The following CDK8 variants were observed in gnomAD, a reference collection of about 807,000 sequenced individuals.
The protein encoded by CDK8 is cyclin-dependent kinase 8.
A neutral mutation model predicts 71.5 loss-of-function variants in CDK8; 29 were observed. The observed-to-expected ratio is 0.41, with a 90% CI of 0.30 to 0.55. The LOEUF (loss-of-function observed/expected upper bound fraction) is 0.55, where lower values mean the gene tolerates loss of function less well. Among genes scored for constraint, CDK8 ranks in the 20% least tolerant of loss-of-function variants. The probability of loss-of-function intolerance (pLI) is 0.37; values close to 1 mark genes in which losing one functional copy is unlikely to be tolerated. For missense variants in CDK8, 288 were observed against 572.6 expected, an observed-to-expected ratio of 0.50 and a Z score of 5.07; for synonymous variants, 161 against 192.1, an observed-to-expected ratio of 0.84 and a Z score of 1.34.
At chr13:26,294,233 GC>G (rs1371367376) in intron 1 of CDK8, among the ~76,000 whole-genome samples, 1 of 151,860 alleles carries the variant, frequency 6.6e-6, no homozygotes, top group Non-Finnish European at 1.5e-5. Flanking sequence ...CTGCGCTCAA[GC>G]AGTCTCCCGC....
chr13:26,397,222 C>G lies in CDK8; in HGVS notation c.930C>G (p.His310Gln), dbSNP rs1327488241. The change falls in exon 9 of 13, where the codon CAC becomes CAG. Residue 310 changes from histidine (H) to glutamine (Q), a missense_variant. By Grantham distance (24) the His-to-Gln change is conservative. This residue lies in a region of CDK8 where 96 missense variants were observed against 229.8 expected (regional missense o/e 0.42). Transcript: ENST00000381527. Reference sequence around the variant, plus strand: ...TTAAACCAGATAGTAAAGCATTCCACTTGGTAAGCATTGGTTAACAGTATT... The same window carrying G: ...TTAAACCAGATAGTAAAGCATTCCAGTTGGTAAGCATTGGTTAACAGTATT... ...HKVKPDSKAF[H>Q]LLQKLLTMDP... 4.4e-6 allele frequency: 7 copies of G among 1,584,694 alleles called. No individual in the cohort carries two copies. The East Asian group carries it at 9.0e-5, about 20-fold the overall frequency.
intron 1 of CDK8, among the ~76,000 whole-genome samples, chr13:26,255,128 C>A (rs1871464573): frequency 6.6e-6 from 1 of 151,606 alleles, no homozygotes; most frequent in Non-Finnish European, 1.5e-5. Flanking sequence ...TTATGGTAAC[C>A]TTCTGGGGAT....
At chr13:26,381,179 A>G (rs1051061463) in intron 4 of CDK8, among the ~76,000 whole-genome samples, 1 of 152,166 alleles carries the variant, frequency 6.6e-6, no homozygotes, top group East Asian at 1.9e-4. Flanking sequence ...TAAACATGGA[A>G]GTTTCTTCCT....
chr13:26,381,882 C>T (rs1054044774), intron 4 of CDK8, among the ~76,000 whole-genome samples: 1 of 152,002 alleles, frequency 6.6e-6, no homozygotes, highest in African/African-American at 2.4e-5. Context: ...GAAATGGTTA[C>T]CACTATAAAC....
intron 1 of CDK8, among the ~76,000 whole-genome samples, chr13:26,328,727 C>T (rs957310518): frequency 6.6e-6 from 1 of 152,110 alleles, no homozygotes. Flanking sequence ...TTGGGATAGG[C>T]CTATTTTCAT....
chr13:26,288,869 C>T (rs547638100), intron 1 of CDK8, among the ~76,000 whole-genome samples: 3 of 150,232 alleles, frequency 2.0e-5, no homozygotes, highest in East Asian at 4.0e-4. Flanking sequence ...ATCTGATTCT[C>T]CTGCCTCAGC....
intron 1 of CDK8, among the ~76,000 whole-genome samples, chr13:26,293,364 C>T (rs527806459): frequency 3.3e-5 from 5 of 151,994 alleles, no homozygotes; most frequent in South Asian, 2.1e-4. Context: ...GCACTTTGGG[C>T]GGCCAAGGCG....
intron 1 of CDK8, among the ~76,000 whole-genome samples, chr13:26,300,528 G>A (rs9581628): frequency 0.11 from 16,513 of 152,184 alleles, 2,646 homozygotes; most frequent in African/African-American, 0.35. Flanking sequence ...TGGATTGGGC[G>A]GGGGATTACT....
In CDK8 at chr13:26,403,956, C is replaced by T. The variant is rs2138079506; in HGVS notation, c.1270C>T (p.Arg424Cys). Residue 424 changes from arginine (R) to cysteine (C), a missense_variant and splice_region_variant, in exon 13 of 13, where the codon CGT becomes TGT. By Grantham distance (180) the Arg-to-Cys change is radical. This residue lies in a region of CDK8 where 76 missense variants were observed against 99.7 expected (regional missense o/e 0.76). Coordinates refer to ENST00000381527, the MANE Select transcript of CDK8 (RefSeq NM_001260.3). ...GGLIMTSDYQ[R>C]SNPHAAYPNP... ...CACTTTTCCCTCATCTCCTTTCCAG[C>T]GTTCCAATCCACATGCTGCCTATCC... The T allele has an allele frequency of 6.2e-7, 1 of 1,611,594 alleles. No individual in the cohort carries two copies. Among genetic ancestry groups the T allele is most frequent in the Non-Finnish European group, 8.5e-7 (1 of 1,179,852 alleles).
chr13:26,382,475 A>C (rs1875272424), intron 4 of CDK8, among the ~76,000 whole-genome samples: 1 of 152,182 alleles, frequency 6.6e-6, no homozygotes, highest in Admixed American at 6.5e-5. Context: ...TTTTCCTTTA[A>C]AGTCAGAGCA....
At chr13:26,280,139 C>T (rs1463328489) in intron 1 of CDK8, among the ~76,000 whole-genome samples, 1 of 152,088 alleles carries the variant, frequency 6.6e-6, no homozygotes, top group Non-Finnish European at 1.5e-5. Context: ...ATTGTAATTC[C>T]ACATGGCTGT....
chr13:26,269,952 T>G (rs185148402), intron 1 of CDK8, among the ~76,000 whole-genome samples: 5 of 152,304 alleles, frequency 3.3e-5, no homozygotes, highest in African/African-American at 1.2e-4. Context: ...GTGTGCAAAG[T>G]AGGGATATTA....
intron 2 of CDK8, among the ~76,000 whole-genome samples, chr13:26,345,642 C>G (rs947960050): frequency 5.3e-5 from 8 of 152,200 alleles, no homozygotes; most frequent in African/African-American, 1.4e-4. Flanking sequence ...CTCGGCCTCC[C>G]AAAGTGTTGG....
intron 1 of CDK8, among the ~76,000 whole-genome samples, chr13:26,294,719 A>G (rs1873461842): frequency 1.3e-5 from 2 of 152,040 alleles, no homozygotes; most frequent in African/African-American, 2.4e-5. Flanking sequence ...GAAAATGTAT[A>G]TTGAGGTTCT....
chr13:26,272,974 G>A (rs1481446173), intron 1 of CDK8, among the ~76,000 whole-genome samples: 1 of 152,082 alleles, frequency 6.6e-6, no homozygotes. Flanking sequence ...TTTAATTTTG[G>A]TGTAGTCCAG....
intron 1 of CDK8, among the ~76,000 whole-genome samples, chr13:26,309,390 C>T (rs866179726): frequency 3.9e-5 from 6 of 152,138 alleles, no homozygotes; most frequent in Non-Finnish European, 7.4e-5. Context: ...CCACCTGCCT[C>T]GGCCTCCCAA....
intron 4 of CDK8, chr13:26,359,442 C>G (rs1410245749): frequency 6.3e-6 from 1 of 159,550 alleles, no homozygotes; most frequent in Admixed American, 6.5e-5. Context: ...AGTCTGCTAG[C>G]CTGATTGGAT....
chr13:26,393,525 T>C lies in CDK8; in HGVS notation c.790+15T>C, dbSNP rs1875850798. ...ATTTCCTGCAGGTACACATTATTCG[T>C]TTTTGTTTTTGTTTTTAAATCACTG... On this transcript the variant is annotated intron_variant, in intron 7 of 12. Transcript: ENST00000381527. 1.9e-6 allele frequency: 3 copies of C among 1,610,298 alleles called. No individual in the cohort carries two copies. Among genetic ancestry groups the C allele is most frequent in the Non-Finnish European group, 2.5e-6 (3 of 1,178,180 alleles).
chr13:26,366,795 T>C (rs954226932), intron 4 of CDK8, among the ~76,000 whole-genome samples: 2 of 152,188 alleles, frequency 1.3e-5, no homozygotes, highest in African/African-American at 4.8e-5. Context: ...GTTGGGAAGA[T>C]AGATTGCTAA....
Sources: gnomAD v4.1 joint callset for allele counts (sites outside exome capture counted in the v4.1 genomes callset) on GRCh38, gnomAD v4.1.1 for gene constraint, gnomAD v4.1.1 regional missense constraint, MANE v1.5 for transcripts, NCBI Gene and HGNC (gene_info 2026-07-23, HGNC 2026-07-21) for gene names.